SPIDR: variants seen among roughly 807,000 people sequenced by gnomAD.
The protein encoded by SPIDR is scaffold protein involved in DNA repair, also known as DNA repair-scaffolding protein.
Under a neutral mutation model 104.6 loss-of-function variants are expected in SPIDR, and 93 were observed. The observed-to-expected ratio is 0.89, with a 90% CI of 0.75 to 1.06. The LOEUF (loss-of-function observed/expected upper bound fraction) is 1.06, where lower values mean the gene tolerates loss of function less well. Among genes scored for constraint, SPIDR ranks in the 50% least tolerant of loss-of-function variants. SPIDR has a pLI of 0.00. For synonymous variants in SPIDR, 431 were observed against 416.9 expected, an observed-to-expected ratio of 1.03 and a Z score of -0.41; for missense variants, 1,154 against 1,111.2, an observed-to-expected ratio of 1.04 and a Z score of -0.55.
At chr8:47,502,256 G>T (rs1016286000) in intron 8 of SPIDR, among the ~76,000 whole-genome samples, 1 of 152,204 alleles carries the variant, frequency 6.6e-6, no homozygotes, top group Non-Finnish European at 1.5e-5. Flanking sequence ...ATTCGGCTGT[G>T]AATCCATCTG....
At chr8:47,651,207 A>G (rs1396401439) in intron 10 of SPIDR, among the ~76,000 whole-genome samples, 2 of 152,222 alleles carry the variant, frequency 1.3e-5, no homozygotes, top group Non-Finnish European at 1.5e-5. Flanking sequence ...CAAAGGACTA[A>G]TATCTAGAAT....
intron 10 of SPIDR, among the ~76,000 whole-genome samples, chr8:47,630,510 T>C (rs2066892947): frequency 6.6e-6 from 1 of 152,204 alleles, no homozygotes; most frequent in African/African-American, 2.4e-5. Flanking sequence ...GTTAAAGAAA[T>C]GTGTGAAGTG....
At chr8:47,368,264 C>T (rs1452695236) in intron 5 of SPIDR, among the ~76,000 whole-genome samples, 1 of 131,978 alleles carries the variant, frequency 7.6e-6, no homozygotes, top group East Asian at 2.6e-4. Context: ...TTTCAATGTA[C>T]AAGTTTTGGG....
intron 10 of SPIDR, chr8:47,659,633 C>CGCCCT (rs2073705167): frequency 1.7e-6 from 1 of 581,386 alleles, no homozygotes; most frequent in African/African-American, 2.0e-5. Context: ...CACCCCGCCC[C>CGCCCT]GCCCTCGCTC....
intron 11 of SPIDR, among the ~76,000 whole-genome samples, chr8:47,695,639 T>A (rs1314384877): frequency 6.6e-6 from 1 of 152,190 alleles, no homozygotes; most frequent in Non-Finnish European, 1.5e-5. Flanking sequence ...GCAAGCAAGC[T>A]GGTAATATCA....
chr8:47,720,197 T>G (rs1434971406), intron 16 of SPIDR, among the ~76,000 whole-genome samples: 1 of 152,264 alleles, frequency 6.6e-6, no homozygotes, highest in Non-Finnish European at 1.5e-5. Context: ...ATAGCGCATT[T>G]CTTTTTAGCA....
intron 9 of SPIDR, among the ~76,000 whole-genome samples, chr8:47,597,836 C>A (rs185313143): frequency 6.6e-6 from 1 of 152,132 alleles, no homozygotes; most frequent in African/African-American, 2.4e-5. Flanking sequence ...CCCCTGGGAC[C>A]ACCCTAAGCA....
intron 7 of SPIDR, among the ~76,000 whole-genome samples, chr8:47,435,421 G>A (rs1028958882): frequency 6.6e-6 from 1 of 151,980 alleles, no homozygotes; most frequent in Non-Finnish European, 1.5e-5. Flanking sequence ...ACGAATTCAT[G>A]CAGTTATTCA....
chr8:47,518,706 G>A (rs1036681026), intron 8 of SPIDR, among the ~76,000 whole-genome samples: 6 of 150,308 alleles, frequency 4.0e-5, no homozygotes, highest in African/African-American at 9.8e-5. Flanking sequence ...GCGCAATCTC[G>A]GCTCACTGCA....
intron 5 of SPIDR, among the ~76,000 whole-genome samples, chr8:47,392,278 A>G (rs2060688918): frequency 6.6e-6 from 1 of 152,124 alleles, no homozygotes; most frequent in South Asian, 2.1e-4. Context: ...TGAGACCACA[A>G]CAGTGTTCGA....
intron 5 of SPIDR, among the ~76,000 whole-genome samples, chr8:47,324,071 C>T (rs1554598711): frequency 2.0e-5 from 3 of 152,042 alleles, no homozygotes; most frequent in Non-Finnish European, 4.4e-5. Context: ...AATACATGTT[C>T]TTTTCTAGAG....
intron 8 of SPIDR, among the ~76,000 whole-genome samples, chr8:47,480,234 T>C (rs1586419159): frequency 6.6e-6 from 1 of 152,310 alleles, no homozygotes; most frequent in Admixed American, 6.5e-5. Flanking sequence ...AAGATGGATT[T>C]AATGTCTAAA....
intron 8 of SPIDR, among the ~76,000 whole-genome samples, chr8:47,538,857 C>CTTTTTTTTTTTTTTT (rs1161571829): frequency 3.0e-5 from 3 of 100,866 alleles, no homozygotes; most frequent in Non-Finnish European, 4.2e-5. Flanking sequence ...TTTTTCTTTT[C>CTTTTTTTTTTTTTTT]TTTTTTTTTT....
At chr8:47,272,279 T>C (rs1035537492) in intron 1 of SPIDR, among the ~76,000 whole-genome samples, 1 of 152,188 alleles carries the variant, frequency 6.6e-6, no homozygotes, top group Non-Finnish European at 1.5e-5. Context: ...TAATTTTTGC[T>C]TGAAAACTGG....
intron 8 of SPIDR, among the ~76,000 whole-genome samples, chr8:47,474,030 G>A (rs777506308): frequency 7.2e-5 from 11 of 152,140 alleles, no homozygotes; most frequent in Non-Finnish European, 1.5e-4. Context: ...AGGAGAACAC[G>A]AGCAGGCATG....
Position 47,547,333 on chromosome 8 carries a change from A to G in SPIDR, c.1098-48478A>G, listed in dbSNP as rs147907986. On this transcript the variant is annotated intron_variant, in intron 8 of 19. Coordinates refer to ENST00000297423, the MANE Select transcript of SPIDR (RefSeq NM_001080394.4). The stretch of plus-strand genomic sequence containing the variant: ...CATCTAGTCAATGCCCATGACATCT[A>G]TGAATCCAGCAGGGTGGGTTATATC... 9 of 514,896 alleles carry G rather than the reference A, an allele frequency of 1.7e-5. No individual in the cohort carries two copies. The African/African-American group carries it at 1.8e-4, about 10-fold the overall frequency. The allele number at this position is 514,896 out of a possible 1,614,324, so 31.9% of individuals were successfully genotyped here. A position where few individuals can be genotyped will look rare whatever the true frequency, so the allele number is the denominator to read the frequency against.
chr8:47,345,926 T>A (rs1184364328), intron 5 of SPIDR, among the ~76,000 whole-genome samples: 1 of 152,220 alleles, frequency 6.6e-6, no homozygotes, highest in African/African-American at 2.4e-5. Flanking sequence ...CAGTTTGACT[T>A]CCTCTTTTCC....
intron 8 of SPIDR, among the ~76,000 whole-genome samples, chr8:47,570,597 C>T (rs979204581): frequency 6.6e-6 from 1 of 152,032 alleles, no homozygotes; most frequent in African/African-American, 2.4e-5. Flanking sequence ...CTTCAAAAGA[C>T]ACTATCAAGA....
At chr8:47,550,277 A>G (rs1041659026) in intron 8 of SPIDR, among the ~76,000 whole-genome samples, 2 of 152,170 alleles carry the variant, frequency 1.3e-5, no homozygotes, top group African/African-American at 4.8e-5. Context: ...ATGAACTTTA[A>G]AGTAGTTTTT....
Sources: gnomAD v4.1 joint callset for allele counts (sites outside exome capture counted in the v4.1 genomes callset) on GRCh38, gnomAD v4.1.1 for gene constraint, MANE v1.5 for transcripts, NCBI Gene and HGNC (gene_info 2026-07-23, HGNC 2026-07-21) for gene names.